CACNA1S: variants seen among roughly 807,000 people sequenced by gnomAD.
CACNA1S encodes the protein calcium voltage-gated channel subunit alpha1 S, also known as voltage-dependent L-type calcium channel subunit alpha-1S.
CACNA1S carries 126 observed loss-of-function variants against 207.4 expected under a neutral mutation model. The observed-to-expected ratio is 0.61, with a 90% CI of 0.53 to 0.70. CACNA1S has a LOEUF of 0.70. Among genes scored for constraint, CACNA1S ranks in the 30% least tolerant of loss-of-function variants. The pLI is 0.00. For missense variants in CACNA1S, 2,349 were observed against 2,422.8 expected (o/e 0.97, Z 0.64); for synonymous variants, 960 against 932.7 (o/e 1.03, Z -0.53).
chr1:201,069,202 G>A lies in CACNA1S; in HGVS notation c.2491-6C>T, dbSNP rs1478199435. On this transcript the variant is annotated splice_region_variant and splice_polypyrimidine_tract_variant and intron_variant, in intron 18 of 43. Transcript: ENST00000362061. ...ATGTCAAAGTGTTTAAGGATCTGGG[G>A]ACAGGGCAGGGGCGGGAGCAGCCAG... 1.2e-6 allele frequency: 2 copies of A among 1,613,958 alleles called. No individual in the cohort carries two copies. Among genetic ancestry groups the A allele is most frequent in the African/African-American group, 1.3e-5 (1 of 75,056 alleles).
intron 28 of CACNA1S, among the ~76,000 whole-genome samples, chr1:201,054,963 A>G (rs1660786307): frequency 6.6e-6 from 1 of 152,190 alleles, no homozygotes; most frequent in South Asian, 2.1e-4. Flanking sequence ...ATTCACATCC[A>G]TAGTGCCCTG....
chr1:201,101,104 A>G (rs1224052248), intron 2 of CACNA1S, among the ~76,000 whole-genome samples: 2 of 152,134 alleles, frequency 1.3e-5, no homozygotes, highest in African/African-American at 4.8e-5. Context: ...ATCATGTACT[A>G]TGAGTGTAAG....
chr1:201,062,334 CCCT>C, intron 23 of CACNA1S, 125 bp downstream of exon 23: 1 of 1,043,750 alleles, frequency 9.6e-7, no homozygotes, highest in Non-Finnish European at 1.5e-6. Context: ...CAGTCCCCTG[CCCT>C]GTGATCGTCC....
chr1:201,101,256 G>T (rs1326267095), intron 2 of CACNA1S, among the ~76,000 whole-genome samples: 1 of 152,128 alleles, frequency 6.6e-6, no homozygotes, highest in Non-Finnish European at 1.5e-5. Context: ...GAAAATCCAG[G>T]GACCTTTCCA....
intron 5 of CACNA1S, among the ~76,000 whole-genome samples, chr1:201,091,025 C>T (rs1305258089): frequency 6.6e-6 from 1 of 152,138 alleles, no homozygotes; most frequent in Non-Finnish European, 1.5e-5. Flanking sequence ...GTTTTCATTT[C>T]TCATACCATG....
At position 201,076,904 on chromosome 1, in the gene CACNA1S, C is replaced by A; in HGVS notation, c.1827+16G>T. 1 of 1,611,510 alleles carries A rather than the reference C, an allele frequency of 6.2e-7. No homozygotes were observed. The highest frequency in any genetic ancestry group is 8.5e-7 in the Non-Finnish European group (1 of 1,177,588). ...GCAACCGTTCAGAAGGAGGGACACGCAGAGGGAGAGCCTACCTGGAAGACG... is the reference window on the plus strand; with the variant it reads ...GCAACCGTTCAGAAGGAGGGACACGAAGAGGGAGAGCCTACCTGGAAGACG... On this transcript the variant is annotated intron_variant, in intron 12 of 43. Transcript: ENST00000362061.
intron 2 of CACNA1S, among the ~76,000 whole-genome samples, chr1:201,101,191 T>C (rs1228095507): frequency 6.6e-6 from 1 of 152,238 alleles, no homozygotes; most frequent in Non-Finnish European, 1.5e-5. Flanking sequence ...TTAAAAATTC[T>C]TATCTTCTCT....
intron 19 of CACNA1S, among the ~76,000 whole-genome samples, chr1:201,068,350 C>G (rs1443212623): frequency 7.1e-6 from 1 of 141,220 alleles, no homozygotes; most frequent in African/African-American, 2.6e-5. Flanking sequence ...TCAAGCAATT[C>G]TCCTGCCTCA....
At chr1:201,074,410 C>A (rs776723828) in intron 14 of CACNA1S, 96 bp downstream of exon 14, 13 of 777,534 alleles carry the variant, frequency 1.7e-5, no homozygotes, top group Non-Finnish European at 2.5e-5. Flanking sequence ...TGTCAGGGAC[C>A]CTGATCATTG....
At chr1:201,061,209 G>A in intron 25 of CACNA1S, 58 bp downstream of exon 25, 1 of 1,487,884 alleles carries the variant, frequency 6.7e-7, no homozygotes, top group Admixed American at 1.7e-5. Context: ...CTAGGGCTTG[G>A]GCCAGCAGGA....
chr1:201,059,110 GA>G (rs980623629), intron 27 of CACNA1S, 78 bp downstream of exon 27: 8 of 887,186 alleles, frequency 9.0e-6, no homozygotes, highest in Admixed American at 1.9e-5. Context: ...TAGGATGAGG[GA>G]TGGGGGTGGA....
rs1661226428 is a variant in CACNA1S, at chr1:201,066,025, G to T, written c.2746-80C>A. ...GCCCAGTTGAGGAAACCCCAGGAGT[G>T]CAAGACTTGCTGCCTCCTGATGAGT... On this transcript the variant is annotated intron_variant, in intron 21 of 43. Transcript: ENST00000362061. The surrounding 1 kb of genome is among the most constrained non-coding windows in gnomAD (Gnocchi z 4.3). 3.7e-6 allele frequency: 4 copies of T among 1,081,202 alleles called. No homozygotes were observed. The highest frequency in any genetic ancestry group is 5.6e-6 in the Non-Finnish European group (4 of 714,596). The allele number at this position is 1,081,202 out of a possible 1,614,324, so 67.0% of individuals were successfully genotyped here. A position where few individuals can be genotyped will look rare whatever the true frequency, so the allele number is the denominator to read the frequency against.
chr1:201,059,800 T>C (rs1660976552), intron 26 of CACNA1S, among the ~76,000 whole-genome samples: 1 of 152,260 alleles, frequency 6.6e-6, no homozygotes, highest in Admixed American at 6.5e-5. Context: ...CCAGTGATTA[T>C]GAGGCATGAT....
At position 201,043,274 on chromosome 1, in the gene CACNA1S, C is replaced by A; in HGVS notation, c.5048+7G>T. 6.2e-7 allele frequency: 1 copy of A among 1,614,182 alleles called. No homozygotes were observed. The highest frequency in any genetic ancestry group is 8.5e-7 in the Non-Finnish European group (1 of 1,180,048). ...CTACACCCAGGGATGGCAGTGGCCGCCACTACCTGGAAAACACATGGCTGT... is the reference window on the plus strand; with the variant it reads ...CTACACCCAGGGATGGCAGTGGCCGACACTACCTGGAAAACACATGGCTGT... On this transcript the variant is annotated splice_region_variant and intron_variant, in intron 40 of 43. Coordinates refer to ENST00000362061, the MANE Select transcript of CACNA1S (RefSeq NM_000069.3).
At position 201,094,025 on chromosome 1, in the gene CACNA1S, T is replaced by A; in HGVS notation, c.259-4A>T. ...GGAAGAAATACTCCAGCTTCTCCTG[T>A]GGGAGCAAACGTGGTCACAGCATGC... is the stretch of plus-strand genomic sequence containing the variant. On this transcript the variant is annotated splice_polypyrimidine_tract_variant and splice_region_variant and intron_variant, in intron 2 of 43. Transcript: ENST00000362061. 6.2e-7 allele frequency: 1 copy of A among 1,614,172 alleles called. No individual in the cohort carries two copies. The highest frequency in any genetic ancestry group is 8.5e-7 in the Non-Finnish European group (1 of 1,180,014).
rs75048769 is a variant in CACNA1S at position 201,070,785 on chromosome 1, C to T, written c.2228-381G>A. Among the ~76,000 whole-genome samples, 855 of 152,308 alleles carry T rather than the reference C, an allele frequency of 5.6e-3. 12 individuals are homozygous for T. Among genetic ancestry groups the T allele is most frequent in the African/African-American group, 0.019 (800 of 41,562 alleles). ...CTGGGTCCTAGTCCCAGGTCTGCGT[C>T]TAACTTGCTGTGCAGTGCTGGGAAG... On this transcript the variant is annotated intron_variant, in intron 16 of 43. Coordinates refer to ENST00000362061, the MANE Select transcript of CACNA1S (RefSeq NM_000069.3).
At chr1:201,045,556 G>A (rs894768725) in intron 38 of CACNA1S, among the ~76,000 whole-genome samples, 7 of 152,000 alleles carry the variant, frequency 4.6e-5, no homozygotes, top group African/African-American at 1.2e-4. Context: ...CCAGCATAGC[G>A]AAACCCCATC....
chr1:201,043,271 C>T lies in CACNA1S; in HGVS notation c.5048+10G>A, dbSNP rs766653787. 2 of 1,614,112 alleles carry T rather than the reference C, an allele frequency of 1.2e-6. No individual in the cohort carries two copies. The highest frequency in any genetic ancestry group is 4.5e-5 in the East Asian group (2 of 44,876). On this transcript the variant is annotated intron_variant, in intron 40 of 43. Transcript: ENST00000362061. ...CCTCTACACCCAGGGATGGCAGTGG[C>T]CGCCACTACCTGGAAAACACATGGC...
At position 201,039,700 on chromosome 1, in the gene CACNA1S, C is replaced by T; in HGVS notation, c.*131G>A. The T allele has an allele frequency of 7.8e-7, 1 of 1,284,592 alleles. No individual in the cohort carries two copies. Among genetic ancestry groups the T allele is most frequent in the Non-Finnish European group, 1.1e-6 (1 of 906,862 alleles). The allele number at this position is 1,284,592 out of a possible 1,614,324, so 79.6% of individuals were successfully genotyped here. A position where few individuals can be genotyped will look rare whatever the true frequency, so the allele number is the denominator to read the frequency against. ...TTTGAGGTGGTTCCTGACCACCCTG[C>T]CTCAGGCCATGCATCTAGCTGCTGA... On this transcript the variant is annotated 3_prime_UTR_variant, in exon 44 of 44. Transcript: ENST00000362061.
Sources: allele counts gnomAD v4.1 joint callset (sites outside exome capture counted in the v4.1 genomes callset), GRCh38; gene constraint gnomAD v4.1.1; non-coding constraint Gnocchi (gnomAD v3.1); transcripts MANE v1.5; gene names NCBI Gene and HGNC (gene_info 2026-07-23, HGNC 2026-07-21).